Variants in TGDS observed in about 807,000 individuals in gnomAD.
TGDS encodes the protein UDP-D-glucose 4,6-dehydratase.
In TGDS, 47 loss-of-function variants were observed where a neutral mutation model predicts 52.3. That is an observed-to-expected ratio of 0.90 (90% CI 0.71 to 1.15). The LOEUF (loss-of-function observed/expected upper bound fraction) is 1.15. Among genes scored for constraint, TGDS ranks in the 50% most tolerant of loss-of-function variants. The pLI is 0.00. For synonymous variants in TGDS, 115 were observed against 136.9 expected, an observed-to-expected ratio of 0.84 and a Z score of 1.12; for missense variants, 375 against 418.4, an observed-to-expected ratio of 0.90 and a Z score of 0.90.
chr13:94,576,317 T>G lies in TGDS; in HGVS notation c.979A>C (p.Thr327Pro). Residue 327 changes from threonine to proline, a missense_variant, in exon 11 of 12, where the codon ACA becomes CCA. Physicochemically the swap from Thr to Pro is conservative, Grantham distance 38. Coordinates refer to ENST00000261296, the MANE Select transcript of TGDS (RefSeq NM_014305.4). ...AAATGATTAATTCAAAACATACTTGTTTTCTTTATTCCTTCTTTCCAAGGC... is the reference window on the plus strand; with the variant it reads ...AAATGATTAATTCAAAACATACTTGGTTTCTTTATTCCTTCTTTCCAAGGC... The part of the protein sequence containing the change: ...KVPWKEGIKK[T>P]IEWYRENFHN... 6.3e-7 allele frequency: 1 copy of G among 1,587,352 alleles called. No homozygotes were observed. Among genetic ancestry groups the G allele is most frequent in the Non-Finnish European group, 8.6e-7 (1 of 1,169,582 alleles).
intron 8 of TGDS, 100 bp from the exon 9 acceptor site, chr13:94,578,270 G>C (rs1009921763): frequency 1.8e-6 from 2 of 1,086,500 alleles, no homozygotes; most frequent in Non-Finnish European, 2.7e-6. Flanking sequence ...AATTCCCATG[G>C]GGATCCCAGA....
intron 3 of TGDS, 101 bp downstream of exon 3, chr13:94,592,140 T>C (rs1277797967): frequency 2.4e-6 from 2 of 817,422 alleles, no homozygotes; most frequent in Non-Finnish European, 3.7e-6. Context: ...TTAATTAGTG[T>C]TCTTTTCAAG....
Position 94,584,677 on chromosome 13 carries a change from A to G in TGDS, c.314-1441T>C, listed in dbSNP as rs529720183. Reference sequence around the variant, plus strand: ...AAAAGGAACAATGGCTCCTGACAGAAAGGGCTGATTCCAGATCTAGGGGGA... The same window carrying G: ...AAAAGGAACAATGGCTCCTGACAGAGAGGGCTGATTCCAGATCTAGGGGGA... On this transcript the variant is annotated intron_variant, in intron 4 of 11. Transcript: ENST00000261296. Among the ~76,000 whole-genome samples the G allele has an allele frequency of 3.9e-5, 6 of 152,348 alleles. No homozygotes were observed. In the East Asian group the frequency reaches 1.2e-3, roughly 29 times the overall value.
intron 11 of TGDS, 82 bp downstream of exon 11, chr13:94,576,232 G>T: frequency 1.1e-6 from 1 of 909,868 alleles, no homozygotes; most frequent in Non-Finnish European, 1.6e-6. Context: ...TATTCCACTG[G>T]TTTGTATAAT....
chr13:94,590,694 TAAAAGTATCTA>T (rs1889165349), intron 4 of TGDS, among the ~76,000 whole-genome samples, 148 bp downstream of exon 4: 1 of 152,160 alleles, frequency 6.6e-6, no homozygotes, highest in South Asian at 2.1e-4. Flanking sequence ...GCAATGCTAA[TAAAAGTATCTA>T]AAAAGTGCTG....
intron 4 of TGDS, among the ~76,000 whole-genome samples, chr13:94,585,643 C>T (rs142795082): frequency 6.6e-6 from 1 of 151,546 alleles, no homozygotes; most frequent in East Asian, 1.9e-4. Context: ...ACTCAAAATA[C>T]AAAAAAATAA....
At chr13:94,577,498 T>G (rs1310008376) in intron 9 of TGDS, 69 bp from the exon 10 acceptor site, 1 of 1,320,234 alleles carries the variant, frequency 7.6e-7, no homozygotes, top group Non-Finnish European at 1.0e-6. Flanking sequence ...TAGTATTTAA[T>G]GGCTGATTAA....
Position 94,574,515 on chromosome 13 carries a change from G to C in TGDS, c.*267C>G, listed in dbSNP as rs1215288677. On this transcript the variant is annotated 3_prime_UTR_variant, in exon 12 of 12. Coordinates refer to ENST00000261296, the MANE Select transcript of TGDS (RefSeq NM_014305.4). ...GTCCGAATCAGGAGACTTCTTCCTG[G>C]CTACCCTTAGGGAGAGTCTTCTACA... 1 of 310,028 alleles carries C rather than the reference G, an allele frequency of 3.2e-6. No individual in the cohort carries two copies. Among genetic ancestry groups the C allele is most frequent in the Non-Finnish European group, 5.9e-6 (1 of 169,734 alleles). 19.2% of individuals were successfully genotyped at this position (310,028 alleles called of 1,614,324 possible).
chr13:94,584,813 C>A (rs752606594), intron 4 of TGDS, among the ~76,000 whole-genome samples: 1 of 152,164 alleles, frequency 6.6e-6, no homozygotes, highest in Non-Finnish European at 1.5e-5. Context: ...AGAAGAGCCT[C>A]TCAATGGCTA....
At chr13:94,585,485 CAAAAT>C (rs1312260043) in intron 4 of TGDS, among the ~76,000 whole-genome samples, 1 of 151,678 alleles carries the variant, frequency 6.6e-6, no homozygotes, top group African/African-American at 2.4e-5. Flanking sequence ...AATAAAAAAA[CAAAAT>C]AAAATAAGAT....
chr13:94,590,041 T>C (rs558280720), intron 4 of TGDS, among the ~76,000 whole-genome samples: 40 of 151,752 alleles, frequency 2.6e-4, no homozygotes, highest in African/African-American at 8.7e-4. Context: ...TACTACAGTG[T>C]ATGTGTATAT....
intron 4 of TGDS, among the ~76,000 whole-genome samples, chr13:94,587,889 C>T (rs1250419250): frequency 6.7e-6 from 1 of 149,580 alleles, no homozygotes; most frequent in South Asian, 2.1e-4. Context: ...CCCAGCTACT[C>T]GGGAGGCTGA....
intron 4 of TGDS, among the ~76,000 whole-genome samples, chr13:94,583,663 A>G (rs1888879399): frequency 6.6e-6 from 1 of 152,210 alleles, no homozygotes; most frequent in Admixed American, 6.5e-5. Flanking sequence ...TAACCAGGAA[A>G]CGGAAGGAAC....
chr13:94,593,069 G>A lies in TGDS; in HGVS notation c.154-760C>T, dbSNP rs184033149. Among the ~76,000 whole-genome samples the A allele has an allele frequency of 3.4e-3, 520 of 152,140 alleles. 1 individual carries two copies. Among genetic ancestry groups the A allele is most frequent in the Non-Finnish European group, 5.3e-3 (359 of 67,988 alleles). On this transcript the variant is annotated intron_variant, in intron 2 of 11. Transcript: ENST00000261296. ...CTCAGGAGGCTGGGGCAGGAGAATCGCTTGAACCCAGGAGGTGGAGGTTGC... is the reference window on the plus strand; with the variant it reads ...CTCAGGAGGCTGGGGCAGGAGAATCACTTGAACCCAGGAGGTGGAGGTTGC...
In TGDS at chr13:94,578,075, C is replaced by T. The variant is rs1888662863; in HGVS notation, c.755G>A (p.Gly252Asp). 1 of 1,613,886 alleles carries T rather than the reference C, an allele frequency of 6.2e-7. No individual in the cohort carries two copies. The highest frequency in any genetic ancestry group is 8.5e-7 in the Non-Finnish European group (1 of 1,179,886). Residue 252 changes from glycine to aspartate, a missense_variant, in exon 9 of 12, where the codon GGT becomes GAT. Gly to Asp is a moderately conservative substitution (Grantham distance 94). Coordinates refer to ENST00000261296, the MANE Select transcript of TGDS (RefSeq NM_014305.4). Reference sequence around the variant, plus strand: ...ATTGGTTCCGATGTTATAAATTTCACCTGGTTTCCCTTTTTTGAGGACAGT... The same window carrying T: ...ATTGGTTCCGATGTTATAAATTTCATCTGGTTTCCCTTTTTTGAGGACAGT... ...FLTVLKKGKP[G>D]EIYNIGTNFE...
chr13:94,581,039 A>G, intron 6 of TGDS, 52 bp downstream of exon 6: 1 of 1,092,356 alleles, frequency 9.2e-7, no homozygotes, highest in East Asian at 2.6e-5. Context: ...TGGAGTTTTA[A>G]CACTTAAGTC....
chr13:94,594,744 C>A (rs752900724), intron 1 of TGDS, among the ~76,000 whole-genome samples: 19 of 152,140 alleles, frequency 1.2e-4, no homozygotes, highest in Non-Finnish European at 2.4e-4. Context: ...ACTTGCCAGC[C>A]TGATGCTCTC....
intron 9 of TGDS, among the ~76,000 whole-genome samples, 167 bp from the exon 10 acceptor site, chr13:94,577,596 A>T (rs953868892): frequency 2.0e-5 from 3 of 152,226 alleles, no homozygotes; most frequent in Non-Finnish European, 4.4e-5. Flanking sequence ...CCTAAATTCC[A>T]TCTGAAGCTC....
rs1172663159 is a variant in TGDS, at chr13:94,592,325, C to G, written c.154-16G>C. The G allele has an allele frequency of 6.3e-7, 1 of 1,584,146 alleles. No homozygotes were observed. The highest frequency in any genetic ancestry group is 2.0e-5 in the Admixed American group (1 of 50,942). On this transcript the variant is annotated splice_polypyrimidine_tract_variant and intron_variant, in intron 2 of 11. Transcript: ENST00000261296. ...AGTAATCCAGCTTGAAAGAAGAGAG[C>G]ACAGAAGGGGCAACACAAAAAGTGA... is the stretch of plus-strand genomic sequence containing the variant.
Sources: gnomAD v4.1 joint callset for allele counts (sites outside exome capture counted in the v4.1 genomes callset) on GRCh38, gnomAD v4.1.1 for gene constraint, MANE v1.5 for transcripts, NCBI Gene and HGNC (gene_info 2026-07-23, HGNC 2026-07-21) for gene names.